Variants in NKAIN2 observed in about 807,000 individuals in gnomAD.
The protein encoded by NKAIN2 is sodium/potassium transporting ATPase interacting 2, also known as sodium/potassium-transporting ATPase subunit beta-1-interacting protein 2.
NKAIN2 carries 14 observed loss-of-function variants against 32.6 expected under a neutral mutation model. The ratio of observed to expected loss-of-function variants is 0.43; its 90% CI spans 0.28 to 0.67. The LOEUF (loss-of-function observed/expected upper bound fraction) is 0.67, where lower values mean the gene tolerates loss of function less well. Among genes scored for constraint, NKAIN2 ranks in the 30% least tolerant of loss-of-function variants. The probability of loss-of-function intolerance (pLI) is 0.17; values close to 1 mark genes in which losing one functional copy is unlikely to be tolerated. For missense variants in NKAIN2, 198 were observed against 258.3 expected (o/e 0.77, Z 1.60); for synonymous variants, 80 against 87.2 (o/e 0.92, Z 0.46).
At chr6:124,718,811 G>C (rs1055763616) in intron 4 of NKAIN2, among the ~76,000 whole-genome samples, 10 of 151,946 alleles carry the variant, frequency 6.6e-5, no homozygotes, top group African/African-American at 2.4e-4. Context: ...CTTCTATCCT[G>C]TGTCTATCTT....
intron 3 of NKAIN2, among the ~76,000 whole-genome samples, chr6:124,616,307 G>A (rs1782884968): frequency 6.6e-6 from 1 of 152,006 alleles, no homozygotes; most frequent in Admixed American, 6.5e-5. Flanking sequence ...TGCAGGAAGT[G>A]TTGGTCTGGC....
At chr6:123,809,986 A>C (rs1773388936) in intron 1 of NKAIN2, among the ~76,000 whole-genome samples, 1 of 152,152 alleles carries the variant, frequency 6.6e-6, no homozygotes, top group African/African-American at 2.4e-5. Context: ...TTTTTAAATA[A>C]TTTGTTATGC....
At chr6:124,239,910 G>A (rs947377887) in intron 1 of NKAIN2, among the ~76,000 whole-genome samples, 6 of 152,088 alleles carry the variant, frequency 3.9e-5, no homozygotes, top group Non-Finnish European at 8.8e-5. Flanking sequence ...AGAACTGAAA[G>A]AGATATAGAC....
intron 1 of NKAIN2, among the ~76,000 whole-genome samples, chr6:123,883,650 A>ATTT (rs1421339058): frequency 8.3e-4 from 91 of 109,698 alleles, no homozygotes; most frequent in Middle Eastern, 4.6e-3. Context: ...TTAAAAAAAA[A>ATTT]TTTTTTTTAA....
At chr6:124,271,741 G>A (rs538612723) in intron 1 of NKAIN2, among the ~76,000 whole-genome samples, 2 of 152,306 alleles carry the variant, frequency 1.3e-5, no homozygotes, top group African/African-American at 4.8e-5. Context: ...TTGTTGAATG[G>A]TTTTGACCAA....
chr6:124,324,071 A>G (rs9388313), intron 2 of NKAIN2, among the ~76,000 whole-genome samples: 21,477 of 152,084 alleles, frequency 0.14, 2,235 homozygotes, highest in African/African-American at 0.28. Flanking sequence ...GATTACAGGC[A>G]TGAGTCACTG....
chr6:124,721,909 C>A (rs1776038899), intron 4 of NKAIN2, among the ~76,000 whole-genome samples: 1 of 152,168 alleles, frequency 6.6e-6, no homozygotes, highest in Admixed American at 6.5e-5. Flanking sequence ...CATTGTTATG[C>A]AACCAATCTC....
intron 3 of NKAIN2, chr6:124,390,735 C>T (rs1311618022): frequency 6.6e-6 from 1 of 152,062 alleles, no homozygotes; most frequent in Non-Finnish European, 1.5e-5. Context: ...TACCTCAGCA[C>T]CCATCTGTGA....
At position 124,716,462 on chromosome 6, in the gene NKAIN2, C is replaced by G. The variant is rs190544587; in HGVS notation, c.474+58076C>G. Among the ~76,000 whole-genome samples the G allele has an allele frequency of 4.7e-4, 72 of 152,166 alleles. 1 individual carries two copies. The highest frequency in any genetic ancestry group is 1.5e-3 in the African/African-American group (63 of 41,502). ...GAGATCATAGAGTGATGAGATGGAC[C>G]CTTAGGAAACATGCCCTTGCCCCAC... On this transcript the variant is annotated intron_variant, in intron 4 of 6. Coordinates refer to ENST00000368417, the MANE Select transcript of NKAIN2 (RefSeq NM_001040214.3).
At chr6:124,714,261 C>T (rs1775642656) in intron 4 of NKAIN2, among the ~76,000 whole-genome samples, 1 of 152,156 alleles carries the variant, frequency 6.6e-6, no homozygotes. Flanking sequence ...ATTATGAATA[C>T]AGCCATAAAG....
intron 1 of NKAIN2, among the ~76,000 whole-genome samples, chr6:123,828,208 G>A (rs951154754): frequency 6.6e-6 from 1 of 152,020 alleles, no homozygotes; most frequent in Non-Finnish European, 1.5e-5. Context: ...CCTCTAAGCA[G>A]TAAGCTTCTT....
chr6:124,009,432 C>T (rs1172602060), intron 1 of NKAIN2, among the ~76,000 whole-genome samples: 2 of 152,104 alleles, frequency 1.3e-5, no homozygotes, highest in Non-Finnish European at 2.9e-5. Context: ...TTATTGCTTG[C>T]CCTACCAAGT....
intron 2 of NKAIN2, among the ~76,000 whole-genome samples, chr6:124,294,816 A>G (rs1795979398): frequency 6.6e-6 from 1 of 152,054 alleles, no homozygotes; most frequent in South Asian, 2.1e-4. Context: ...ATGCCCAGTA[A>G]GATGTTATCT....
At chr6:124,760,478 A>T (rs531713739) in intron 4 of NKAIN2, among the ~76,000 whole-genome samples, 5 of 151,800 alleles carry the variant, frequency 3.3e-5, no homozygotes, top group Non-Finnish European at 7.4e-5. Context: ...CTAAAAAAAA[A>T]TAAAAATAAA....
intron 1 of NKAIN2, among the ~76,000 whole-genome samples, chr6:124,024,301 G>T (rs1337947686): frequency 3.9e-5 from 6 of 152,032 alleles, no homozygotes; most frequent in Admixed American, 6.6e-5. Context: ...CATATACCCA[G>T]ATTACTCATA....
At chr6:124,714,078 A>C (rs1775631287) in intron 4 of NKAIN2, among the ~76,000 whole-genome samples, 1 of 152,226 alleles carries the variant, frequency 6.6e-6, no homozygotes, top group South Asian at 2.1e-4. Context: ...TATGGGATGT[A>C]TACCTGACCC....
chr6:123,990,656 G>A (rs1032086047), intron 1 of NKAIN2, among the ~76,000 whole-genome samples: 12 of 152,138 alleles, frequency 7.9e-5, no homozygotes, highest in African/African-American at 2.7e-4. Context: ...TGAAACATTT[G>A]ACACTTTGCA....
At chr6:124,101,386 C>A (rs6940554) in intron 1 of NKAIN2, among the ~76,000 whole-genome samples, 2,661 of 152,180 alleles carry the variant, frequency 0.017, 78 homozygotes, top group African/African-American at 0.061. Flanking sequence ...AGCTAGCCGG[C>A]TAAAGGAAAG....
intron 1 of NKAIN2, among the ~76,000 whole-genome samples, chr6:123,808,695 T>C (rs1011237533): frequency 2.5e-4 from 38 of 152,182 alleles, no homozygotes; most frequent in Non-Finnish European, 5.9e-5. Context: ...GCAGCATTTT[T>C]TCTGCAGAGT....
Sources: gnomAD v4.1 joint callset for allele counts (sites outside exome capture counted in the v4.1 genomes callset) on GRCh38, gnomAD v4.1.1 for gene constraint, MANE v1.5 for transcripts, NCBI Gene and HGNC (gene_info 2026-07-23, HGNC 2026-07-21) for gene names.